The following PGCKA1 variants were observed in gnomAD, a reference collection of about 807,000 sequenced individuals.
PGCKA1 encodes the protein PDCD10 and GCKIII kinases-associated protein 1.
At chr4:37,555,215 G>A in the PGCKA1 span, among the ~76,000 whole-genome samples, 1 of 152,142 alleles carries the variant, frequency 6.6e-6, no homozygotes, top group African/African-American at 2.4e-5. Context: ...AGGGCAAGTA[G>A]GGCGTTCTGT....
the PGCKA1 span, among the ~76,000 whole-genome samples, chr4:37,574,352 G>A: frequency 6.6e-6 from 1 of 151,926 alleles, no homozygotes; most frequent in South Asian, 2.1e-4. Context: ...TTTTAAGTTG[G>A]TCTCTTGAAT....
the PGCKA1 span, among the ~76,000 whole-genome samples, chr4:37,534,158 G>C: frequency 6.6e-6 from 1 of 152,058 alleles, no homozygotes; most frequent in Non-Finnish European, 1.5e-5. Flanking sequence ...AAAATCACTG[G>C]TCCAAGAAAG....
At chr4:37,489,626 T>C in the PGCKA1 span, among the ~76,000 whole-genome samples, 1 of 152,214 alleles carries the variant, frequency 6.6e-6, no homozygotes, top group Non-Finnish European at 1.5e-5. Context: ...GAGGTATGGT[T>C]CTGCAACTTA....
At chr4:37,460,185 G>T in the PGCKA1 span, among the ~76,000 whole-genome samples, 2 of 152,132 alleles carry the variant, frequency 1.3e-5, no homozygotes, top group Non-Finnish European at 2.9e-5. Flanking sequence ...TTTTATGGCT[G>T]TATAGTATTC....
At chr4:37,540,943 C>G in the PGCKA1 span, among the ~76,000 whole-genome samples, 1 of 146,874 alleles carries the variant, frequency 6.8e-6, no homozygotes, top group Non-Finnish European at 1.5e-5. Flanking sequence ...GGAAAAAAAC[C>G]CCTTTTTTTT....
the PGCKA1 span, among the ~76,000 whole-genome samples, chr4:37,553,383 A>AC: frequency 0.024 from 3,681 of 151,958 alleles, 295 homozygotes; most frequent in African/African-American, 0.085. Flanking sequence ...TTCTTACTTT[A>AC]CCCCTGGATG....
the PGCKA1 span, among the ~76,000 whole-genome samples, chr4:37,571,306 C>G: frequency 4.0e-5 from 6 of 149,972 alleles, no homozygotes; most frequent in East Asian, 1.2e-3. Flanking sequence ...TTTTGATGAG[C>G]TGCCTTCCAA....
At chr4:37,584,349 C>G in the PGCKA1 span, 1 of 152,168 alleles carries the variant, frequency 6.6e-6, no homozygotes, top group African/African-American at 2.4e-5. Flanking sequence ...AGAGGCTGTC[C>G]CCGCCAAGCT....
the PGCKA1 span, among the ~76,000 whole-genome samples, chr4:37,513,585 C>T: frequency 6.6e-6 from 1 of 152,144 alleles, no homozygotes; most frequent in Admixed American, 6.5e-5. Context: ...ATAAAATGCC[C>T]ATCTCCAAAT....
At chr4:37,529,728 T>G in the PGCKA1 span, among the ~76,000 whole-genome samples, 2 of 152,188 alleles carry the variant, frequency 1.3e-5, no homozygotes, top group East Asian at 3.9e-4. Context: ...GCTGGCTCTT[T>G]CATCGGTGTT....
At chr4:37,574,901 A>G in the PGCKA1 span, among the ~76,000 whole-genome samples, 1 of 152,208 alleles carries the variant, frequency 6.6e-6, no homozygotes, top group Non-Finnish European at 1.5e-5. Context: ...ACTTAACATA[A>G]CAACCTCCTG....
the PGCKA1 span, among the ~76,000 whole-genome samples, chr4:37,468,578 G>A: frequency 1.1e-4 from 17 of 152,164 alleles, no homozygotes; most frequent in African/African-American, 4.1e-4. Flanking sequence ...TCGTCTAAAT[G>A]AGCTGCTATC....
At chr4:37,516,254 A>C in the PGCKA1 span, among the ~76,000 whole-genome samples, 3 of 152,328 alleles carry the variant, frequency 2.0e-5, no homozygotes, top group Non-Finnish European at 2.9e-5. Flanking sequence ...ATCACCTGAG[A>C]GCTTGTAGAA....
chr4:37,590,694 G>A, the PGCKA1 span: 5 of 1,614,222 alleles, frequency 3.1e-6, no homozygotes, highest in Non-Finnish European at 4.2e-6. Flanking sequence ...ACCATACTGA[G>A]GATGAATCCC....
the PGCKA1 span, among the ~76,000 whole-genome samples, chr4:37,558,683 G>A: frequency 5.6e-5 from 8 of 142,160 alleles, no homozygotes; most frequent in East Asian, 2.0e-4. Context: ...GAAAATTTTC[G>A]CAACCTACTC....
the PGCKA1 span, among the ~76,000 whole-genome samples, chr4:37,565,116 C>T: frequency 2.6e-5 from 4 of 152,172 alleles, no homozygotes; most frequent in East Asian, 7.7e-4. Flanking sequence ...ACTGTCCCCA[C>T]GAGGGTACAG....
At chr4:37,537,812 A>G in the PGCKA1 span, among the ~76,000 whole-genome samples, 1 of 152,232 alleles carries the variant, frequency 6.6e-6, no homozygotes, top group Non-Finnish European at 1.5e-5. Context: ...TCCAAAATAT[A>G]TTAGTTGTGT....
At chr4:37,509,357 A>C in the PGCKA1 span, among the ~76,000 whole-genome samples, 1 of 140,696 alleles carries the variant, frequency 7.1e-6, no homozygotes, top group South Asian at 2.4e-4. Context: ...CTCACCTCCC[A>C]CATGGGGTCA....
the PGCKA1 span, among the ~76,000 whole-genome samples, chr4:37,506,757 C>A: frequency 6.6e-6 from 1 of 152,022 alleles, no homozygotes; most frequent in Non-Finnish European, 1.5e-5. Flanking sequence ...TATTCTGCAG[C>A]CATTCAGTGA....
Sources: allele counts gnomAD v4.1 joint callset (sites outside exome capture counted in the v4.1 genomes callset), GRCh38; gene constraint gnomAD v4.1.1; transcripts MANE v1.5; gene names NCBI Gene and HGNC (gene_info 2026-07-23, HGNC 2026-07-21).